CENPE: variants seen among roughly 807,000 people sequenced by gnomAD.
CENPE encodes the protein centromere-associated protein E.
A neutral mutation model predicts 336.1 loss-of-function variants in CENPE; 145 were observed. The observed-to-expected ratio is 0.43, with a 90% confidence interval of 0.38 to 0.50. The LOEUF is 0.50. Ranked by LOEUF, CENPE falls within the 20% of genes least tolerant of loss-of-function variation. The pLI is 0.00. For synonymous variants in CENPE, 1,013 were observed against 984.8 expected, an observed-to-expected ratio of 1.03 and a Z score of -0.54; for missense variants, 2,719 against 3,023.3, an observed-to-expected ratio of 0.90 and a Z score of 2.36.
chr4:103,121,088 T>C (rs947413719), intron 43 of CENPE, among the ~76,000 whole-genome samples: 1 of 152,106 alleles, frequency 6.6e-6, no homozygotes, highest in South Asian at 2.1e-4. Context: ...TTCAAAGACA[T>C]ATAATGAAGA....
chr4:103,136,766 C>T (rs1432172940), intron 39 of CENPE, among the ~76,000 whole-genome samples: 1 of 152,122 alleles, frequency 6.6e-6, no homozygotes, highest in Admixed American at 6.6e-5. Flanking sequence ...TCTGAGTTAG[C>T]AGATAAAACA....
At chr4:103,138,008 T>G (rs988515599) in intron 39 of CENPE, among the ~76,000 whole-genome samples, 1 of 152,164 alleles carries the variant, frequency 6.6e-6, no homozygotes, top group African/African-American at 2.4e-5. Context: ...CGATATTCCT[T>G]GAACCACCAC....
At chr4:103,184,516 T>G (rs1756590658) in intron 9 of CENPE, among the ~76,000 whole-genome samples, 1 of 152,218 alleles carries the variant, frequency 6.6e-6, no homozygotes, top group Admixed American at 6.5e-5. Context: ...CTACTTATAA[T>G]GCATTCCTTG....
chr4:103,142,985 C>T (rs1752695340), intron 34 of CENPE, among the ~76,000 whole-genome samples: 1 of 113,930 alleles, frequency 8.8e-6, no homozygotes, highest in Non-Finnish European at 1.6e-5. Flanking sequence ...CTCCAGGCGA[C>T]AGAGCGAGAC....
At chr4:103,163,608 C>CAAAAAAAAAAAAAAAAAAAAAA (rs11315612) in intron 16 of CENPE, 55 bp from the exon 17 acceptor site, 5 of 304,450 alleles carry the variant, frequency 1.6e-5, no homozygotes, top group Non-Finnish European at 2.2e-5. Context: ...TAAAGCAAAG[C>CAAAAAAAAAAAAAAAAAAAAAA]AAAAAAAAAA....
At chr4:103,144,191 C>T in intron 33 of CENPE, 140 bp downstream of exon 33, 2 of 616,350 alleles carry the variant, frequency 3.2e-6, no homozygotes, top group Non-Finnish European at 5.5e-6. Context: ...CCGCCCTGGC[C>T]TCCCAAAGTG....
intron 38 of CENPE, among the ~76,000 whole-genome samples, chr4:103,139,222 TAAA>T (rs1411169409): frequency 1.3e-5 from 2 of 152,176 alleles, no homozygotes; most frequent in Non-Finnish European, 2.9e-5. Context: ...CAGGCCCACA[TAAA>T]GAAATATGAG....
intron 42 of CENPE, among the ~76,000 whole-genome samples, chr4:103,132,302 A>C (rs1751652507): frequency 6.6e-6 from 1 of 152,150 alleles, no homozygotes; most frequent in South Asian, 2.1e-4. Flanking sequence ...GGCCCATCTA[A>C]AGTAGCTGGC....
chr4:103,183,355 A>G lies in CENPE; in HGVS notation c.746-67T>C. ...TTTCTAGATGATAAACTTATTTATC[A>G]CTAAGTTAATGAGAGAAATTAGAGG... On this transcript the variant is annotated intron_variant, in intron 9 of 48. Transcript: ENST00000265148. The G allele has an allele frequency of 2.3e-6, 3 of 1,303,584 alleles. No individual in the cohort carries two copies. The South Asian group carries it at 3.8e-5, about 16-fold the overall frequency. 80.8% of individuals were successfully genotyped at this position (1,303,584 alleles called of 1,614,324 possible).
At chr4:103,179,659 G>A (rs1756167127) in intron 13 of CENPE, among the ~76,000 whole-genome samples, 1 of 152,188 alleles carries the variant, frequency 6.6e-6, no homozygotes, top group African/African-American at 2.4e-5. Flanking sequence ...CAACACTTAT[G>A]AGGTGAGTAT....
At position 103,133,830 on chromosome 4, in the gene CENPE, T is replaced by C. The variant is rs745485609; in HGVS notation, c.6585A>G (p.Glu2195=). Residue 2195 remains glutamate (E), a synonymous_variant, in exon 41 of 49, where the codon GAA becomes GAG. Coordinates refer to ENST00000265148, the MANE Select transcript of CENPE (RefSeq NM_001813.3). ...EEQHESINKF[E]MDFIDEVEKQ... Reference sequence around the variant, plus strand: ...TTTCCACTTCATCAATAAAATCCATTTCAAATTTATTGATGGATTCATGTT... The same window carrying C: ...TTTCCACTTCATCAATAAAATCCATCTCAAATTTATTGATGGATTCATGTT... The C allele has an allele frequency of 2.5e-6, 4 of 1,601,242 alleles. No homozygotes were observed. The Admixed American group carries it at 6.7e-5, about 27-fold the overall frequency.
chr4:103,158,937 G>A (rs1560642505), intron 22 of CENPE, 51 bp from the exon 23 acceptor site: 5 of 1,556,692 alleles, frequency 3.2e-6, no homozygotes, highest in Non-Finnish European at 4.3e-6. Flanking sequence ...AGCAGTCTGA[G>A]GCATACATAT....
intron 9 of CENPE, among the ~76,000 whole-genome samples, chr4:103,184,247 T>C (rs1035020337): frequency 7.2e-5 from 11 of 152,188 alleles, no homozygotes; most frequent in South Asian, 6.2e-4. Context: ...GGCTCTACAA[T>C]AGGTTGCAGA....
intron 46 of CENPE, among the ~76,000 whole-genome samples, chr4:103,112,351 A>G (rs1749529605): frequency 6.8e-6 from 1 of 147,362 alleles, no homozygotes; most frequent in African/African-American, 2.5e-5. Flanking sequence ...ATATATAAGT[A>G]TATATATGTA....
chr4:103,142,043 C>A, intron 34 of CENPE, 135 bp from the exon 35 acceptor site: 1 of 600,166 alleles, frequency 1.7e-6, no homozygotes, highest in South Asian at 2.3e-5. Flanking sequence ...AAGGTACAGG[C>A]TTTCTCTTCC....
At chr4:103,114,612 A>G (rs953737788) in intron 45 of CENPE, 60 bp from the exon 46 acceptor site, 1 of 1,027,016 alleles carries the variant, frequency 9.7e-7, no homozygotes, top group African/African-American at 1.6e-5. Context: ...CAGGAGAATA[A>G]ACAGAACTGC....
chr4:103,112,389 G>C (rs569626997), intron 46 of CENPE, among the ~76,000 whole-genome samples: 3 of 143,470 alleles, frequency 2.1e-5, no homozygotes, highest in Admixed American at 7.2e-5. Flanking sequence ...ACATGTGCAC[G>C]CACAAATATA....
chr4:103,181,292 T>C (rs1363372748), intron 12 of CENPE, 45 bp downstream of exon 12: 2 of 1,379,114 alleles, frequency 1.5e-6, no homozygotes, highest in East Asian at 5.3e-5. Context: ...GTCTCCATTC[T>C]AAATTGGTTC....
chr4:103,115,676 G>C (rs11930580), intron 45 of CENPE, among the ~76,000 whole-genome samples: 2,828 of 151,908 alleles, frequency 0.019, 80 homozygotes, highest in African/African-American at 0.065. Context: ...ATGAATGCGA[G>C]GACCAGAGAG....
Sources: allele counts gnomAD v4.1 joint callset (sites outside exome capture counted in the v4.1 genomes callset), GRCh38; gene constraint gnomAD v4.1.1; transcripts MANE v1.5; gene names NCBI Gene and HGNC (gene_info 2026-07-23, HGNC 2026-07-21).